Variants in LRRIQ3 observed in about 807,000 individuals in gnomAD.
The protein encoded by LRRIQ3 is leucine rich repeats and IQ motif containing 3, also known as leucine-rich repeat and IQ domain-containing protein 3.
LRRIQ3 carries 75 observed loss-of-function variants against 59.3 expected under a neutral mutation model. The observed-to-expected ratio is 1.26, with a 90% CI of 1.05 to 1.53. The LOEUF (loss-of-function observed/expected upper bound fraction) is 1.53. Ranked by LOEUF, LRRIQ3 falls within the 40% of genes most tolerant of loss-of-function variation. LRRIQ3 has a pLI of 0.00. For missense variants in LRRIQ3, 831 were observed against 710.0 expected (o/e 1.17, Z -1.94); for synonymous variants, 250 against 231.3 (o/e 1.08, Z -0.73).
chr1:74,075,150 A>T (rs538782781), intron 5 of LRRIQ3, among the ~76,000 whole-genome samples: 1 of 152,264 alleles, frequency 6.6e-6, no homozygotes, highest in African/African-American at 2.4e-5. Context: ...ATTCAGAGTA[A>T]TAAAGGGAGG....
intron 3 of LRRIQ3, among the ~76,000 whole-genome samples, chr1:74,173,516 C>T (rs369333566): frequency 2.0e-5 from 3 of 151,378 alleles, no homozygotes; most frequent in African/African-American, 7.3e-5. Context: ...GTGTATCTAC[C>T]ATAGGTTTTT....
intron 3 of LRRIQ3, among the ~76,000 whole-genome samples, chr1:74,178,226 CA>C (rs1026649239): frequency 1.3e-5 from 2 of 151,880 alleles, no homozygotes; most frequent in Non-Finnish European, 2.9e-5. Context: ...TCAGTTTTTA[CA>C]TTCATTTATA....
intron 6 of LRRIQ3, among the ~76,000 whole-genome samples, chr1:74,057,628 A>G (rs886363693): frequency 9.9e-5 from 15 of 152,192 alleles, no homozygotes; most frequent in African/African-American, 3.6e-4. Context: ...GTAAGACTTG[A>G]AACTTTGAAA....
At chr1:74,131,593 T>C (rs1349662211) in intron 4 of LRRIQ3, among the ~76,000 whole-genome samples, 6 of 152,048 alleles carry the variant, frequency 3.9e-5, no homozygotes, top group Admixed American at 3.9e-4. Flanking sequence ...ATAAATGTAA[T>C]CCAGCATATA....
intron 4 of LRRIQ3, among the ~76,000 whole-genome samples, chr1:74,153,939 CAAT>C (rs1191885835): frequency 5.3e-5 from 8 of 152,078 alleles, no homozygotes; most frequent in East Asian, 1.9e-4. Flanking sequence ...ATAACAACAA[CAAT>C]GATAATTAAA....
chr1:74,084,102 GT>G, intron 5 of LRRIQ3: 1 of 1,478,630 alleles, frequency 6.8e-7, no homozygotes, highest in Non-Finnish European at 9.1e-7. Flanking sequence ...TCAGAGACAA[GT>G]TTTCATCCTG....
At chr1:74,121,934 T>G (rs1410487566) in intron 4 of LRRIQ3, among the ~76,000 whole-genome samples, 1 of 152,096 alleles carries the variant, frequency 6.6e-6, no homozygotes, top group East Asian at 1.9e-4. Flanking sequence ...TATGGCTGCA[T>G]AGTATTCCAT....
intron 6 of LRRIQ3, among the ~76,000 whole-genome samples, chr1:74,069,628 T>C (rs1482981283): frequency 1.3e-5 from 2 of 151,976 alleles, no homozygotes; most frequent in African/African-American, 4.8e-5. Context: ...TATAGCAAAA[T>C]CAATCAGCAG....
rs551444512 is a variant in LRRIQ3, at chr1:74,080,823, G to A, written c.868-6033C>T. Among the ~76,000 whole-genome samples, 3 of 151,660 alleles carry A rather than the reference G, an allele frequency of 2.0e-5. No individual in the cohort carries two copies. The Middle Eastern group carries it at 0.01, about 516-fold the overall frequency. ...ATAGTATGCAAAGCCTTCACCTTAG[G>A]GGGAGGTTAACGTGTACAGCAATCC... On this transcript the variant is annotated intron_variant, in intron 5 of 7. Transcript: ENST00000354431.
chr1:74,136,170 A>G (rs1484371929), intron 4 of LRRIQ3, among the ~76,000 whole-genome samples: 2 of 152,004 alleles, frequency 1.3e-5, no homozygotes, highest in African/African-American at 2.4e-5. Context: ...CTAATTACCA[A>G]AACTAACTTA....
chr1:74,120,664 T>C (rs954002361), intron 4 of LRRIQ3, among the ~76,000 whole-genome samples: 3 of 151,984 alleles, frequency 2.0e-5, no homozygotes, highest in African/African-American at 2.4e-5. Context: ...ATTTATCTTA[T>C]GTATGGCCTT....
intron 7 of LRRIQ3, among the ~76,000 whole-genome samples, chr1:74,033,645 T>C (rs1653784655): frequency 6.6e-6 from 1 of 152,002 alleles, no homozygotes; most frequent in South Asian, 2.1e-4. Context: ...AATGTTGATA[T>C]TAGGTAATTG....
At chr1:74,189,361 TATA>T (rs1467097979) in intron 1 of LRRIQ3, among the ~76,000 whole-genome samples, 2 of 152,156 alleles carry the variant, frequency 1.3e-5, no homozygotes, top group African/African-American at 2.4e-5. Context: ...TCAAGCACCC[TATA>T]AACTAAGTAC....
chr1:74,100,981 T>C (rs1040690425), intron 5 of LRRIQ3, among the ~76,000 whole-genome samples: 3 of 152,118 alleles, frequency 2.0e-5, no homozygotes, highest in African/African-American at 7.2e-5. Flanking sequence ...GGCAATACCA[T>C]TCAGGACATA....
chr1:74,043,390 C>A (rs76990563), intron 6 of LRRIQ3, among the ~76,000 whole-genome samples: 1 of 151,996 alleles, frequency 6.6e-6, no homozygotes, highest in Admixed American at 6.6e-5. Flanking sequence ...GTAGTCTAGA[C>A]GGACAGTAGA....
intron 4 of LRRIQ3, among the ~76,000 whole-genome samples, chr1:74,151,063 G>A (rs1010894417): frequency 4.7e-5 from 6 of 127,918 alleles, no homozygotes; most frequent in African/African-American, 1.8e-4. Context: ...CTGTCACCAG[G>A]CTGGAGTGCA....
chr1:74,030,498 C>A (rs564463819), intron 7 of LRRIQ3, among the ~76,000 whole-genome samples: 3 of 152,058 alleles, frequency 2.0e-5, no homozygotes, highest in African/African-American at 7.2e-5. Context: ...CTGACAAAAA[C>A]AATAAATGGG....
At chr1:74,035,854 A>G (rs141232272) in intron 7 of LRRIQ3, among the ~76,000 whole-genome samples, 2 of 152,152 alleles carry the variant, frequency 1.3e-5, no homozygotes, top group African/African-American at 4.8e-5. Flanking sequence ...CCTATTTTGA[A>G]CTTTCCAACT....
chr1:74,195,843 T>C (rs1026704030), intron 1 of LRRIQ3, among the ~76,000 whole-genome samples: 2 of 152,176 alleles, frequency 1.3e-5, no homozygotes, highest in East Asian at 1.9e-4. Flanking sequence ...GCGAATTCTC[T>C]AGTATAATAA....
Sources: gnomAD v4.1 joint callset for allele counts (sites outside exome capture counted in the v4.1 genomes callset) on GRCh38, gnomAD v4.1.1 for gene constraint, MANE v1.5 for transcripts, NCBI Gene and HGNC (gene_info 2026-07-23, HGNC 2026-07-21) for gene names.